The following LPP variants were observed in gnomAD, a reference collection of about 807,000 sequenced individuals.
LPP encodes the protein lipoma-preferred partner.
Under a neutral mutation model 60.4 loss-of-function variants are expected in LPP, and 38 were observed. The ratio of observed to expected loss-of-function variants is 0.63; its 90% confidence interval spans 0.49 to 0.83. The LOEUF (loss-of-function observed/expected upper bound fraction) is 0.83, where lower values mean the gene tolerates loss of function less well. Among genes scored for constraint, LPP ranks in the 40% least tolerant of loss-of-function variants. LPP has a pLI of 0.00. For synonymous variants in LPP, 328 were observed against 290.8 expected (o/e 1.13, Z -1.30); for missense variants, 902 against 783.6 (o/e 1.15, Z -1.80).
intron 6 of LPP, among the ~76,000 whole-genome samples, chr3:188,531,606 C>T (rs564919822): frequency 2.0e-4 from 30 of 152,042 alleles, no homozygotes; most frequent in African/African-American, 7.0e-4. Context: ...TATAAAAATC[C>T]CTGAAGTGCA....
intron 8 of LPP, among the ~76,000 whole-genome samples, chr3:188,751,870 C>G (rs901505585): frequency 6.6e-6 from 1 of 152,114 alleles, no homozygotes; most frequent in African/African-American, 2.4e-5. Context: ...CCGGGGTCTA[C>G]AAATTTTTGT....
At chr3:188,228,075 A>T (rs1718468173) in intron 2 of LPP, among the ~76,000 whole-genome samples, 2 of 152,194 alleles carry the variant, frequency 1.3e-5, no homozygotes, top group African/African-American at 2.4e-5. Flanking sequence ...GACCCTCTAG[A>T]GAGCCGGGCT....
intron 8 of LPP, among the ~76,000 whole-genome samples, chr3:188,756,301 C>T (rs575748907): frequency 2.0e-5 from 3 of 152,282 alleles, no homozygotes; most frequent in East Asian, 1.9e-4. Context: ...TGACAAAGTT[C>T]CCCATCGGCT....
intron 3 of LPP, among the ~76,000 whole-genome samples, chr3:188,368,729 G>C (rs993689205): frequency 5.7e-4 from 84 of 148,384 alleles, no homozygotes; most frequent in African/African-American, 1.6e-3. Context: ...CAGAGAGAGA[G>C]AGAGAGAGAG....
At chr3:188,426,011 T>C (rs1789227972) in intron 4 of LPP, among the ~76,000 whole-genome samples, 2 of 152,196 alleles carry the variant, frequency 1.3e-5, no homozygotes, top group Admixed American at 1.3e-4. Flanking sequence ...ATTTGTTTGC[T>C]CTTGCTTCTC....
At chr3:188,335,373 C>T (rs137968511) in intron 2 of LPP, among the ~76,000 whole-genome samples, 296 of 152,274 alleles carry the variant, frequency 1.9e-3, no homozygotes, top group Middle Eastern at 6.8e-3. Context: ...TTGTATCCCT[C>T]GGATAAATAC....
At chr3:188,713,817 G>A (rs1424046578) in intron 8 of LPP, among the ~76,000 whole-genome samples, 1 of 152,196 alleles carries the variant, frequency 6.6e-6, no homozygotes, top group African/African-American at 2.4e-5. Context: ...TCTTGGGTGG[G>A]TAGAGAGATT....
chr3:188,600,134 G>C (rs1840830473), intron 6 of LPP, among the ~76,000 whole-genome samples: 3 of 149,990 alleles, frequency 2.0e-5, no homozygotes, highest in African/African-American at 7.3e-5. Context: ...CATACACATG[G>C]ACATTGGAAT....
At chr3:188,433,438 G>C (rs868432097) in intron 4 of LPP, among the ~76,000 whole-genome samples, 11 of 152,174 alleles carry the variant, frequency 7.2e-5, no homozygotes, top group African/African-American at 2.6e-4. Flanking sequence ...GGTCATAAGA[G>C]AAAGGGAAGT....
At chr3:188,654,165 G>T (rs1294270523) in intron 7 of LPP, among the ~76,000 whole-genome samples, 1 of 152,160 alleles carries the variant, frequency 6.6e-6, no homozygotes, top group Non-Finnish European at 1.5e-5. Flanking sequence ...TACACAAAGG[G>T]AAATCCAATT....
chr3:188,296,962 A>G (rs561280951), intron 2 of LPP, among the ~76,000 whole-genome samples: 59 of 152,342 alleles, frequency 3.9e-4, no homozygotes, highest in African/African-American at 1.4e-3. Context: ...AAAAGAGAAG[A>G]AGCAGTGGAG....
Position 188,441,047 on chromosome 3 carries a change from C to T in LPP, c.193+34734C>T, listed in dbSNP as rs868652775. Among the ~76,000 whole-genome samples, 133 of 113,752 alleles carry T rather than the reference C, an allele frequency of 1.2e-3. 1 individual carries two copies. In the Middle Eastern group the frequency reaches 0.027, roughly 23 times the overall value. The allele number at this position is 113,752 out of a possible 152,430, so 74.6% of individuals were successfully genotyped here. The stretch of plus-strand genomic sequence containing the variant: ...TAATATGTGTGTGTGTGTGTGTGTG[C>T]GTGCCTGTATACATCAGATATATGG... On this transcript the variant is annotated intron_variant, in intron 4 of 11. Transcript: ENST00000617246.
At chr3:188,689,784 C>T (rs1861682398) in intron 7 of LPP, among the ~76,000 whole-genome samples, 1 of 152,180 alleles carries the variant, frequency 6.6e-6, no homozygotes, top group Non-Finnish European at 1.5e-5. Flanking sequence ...AGTGAAGTGA[C>T]TTGCCCAAAT....
intron 2 of LPP, among the ~76,000 whole-genome samples, chr3:188,241,113 C>T (rs558305994): frequency 1.3e-5 from 2 of 152,248 alleles, no homozygotes; most frequent in African/African-American, 4.8e-5. Context: ...GGTTAATGTT[C>T]CACGTAGTGG....
intron 5 of LPP, among the ~76,000 whole-genome samples, chr3:188,505,011 T>C (rs966396807): frequency 3.3e-5 from 5 of 152,196 alleles, no homozygotes; most frequent in African/African-American, 1.2e-4. Flanking sequence ...CAAGTACATG[T>C]GCACAGATGC....
chr3:188,823,020 G>A (rs138109984), intron 9 of LPP, among the ~76,000 whole-genome samples: 51 of 152,114 alleles, frequency 3.4e-4, no homozygotes, highest in Non-Finnish European at 5.7e-4. Flanking sequence ...TTCCTGTAGA[G>A]ATACTTGGAC....
In LPP at chr3:188,781,389, T is replaced by C. The variant is rs116493977; in HGVS notation, c.1410+21107T>C. Among the ~76,000 whole-genome samples, 520 of 152,202 alleles carry C rather than the reference T, an allele frequency of 3.4e-3. 1 individual carries two copies. The highest frequency in any genetic ancestry group is 0.012 in the African/African-American group (491 of 41,530). On this transcript the variant is annotated intron_variant, in intron 9 of 11. Transcript: ENST00000617246. ...TTATAGTGGTCTTTCCAACATGAAGTTTGTATTAATCCGTTTTCACACTGT... is the reference window on the plus strand; with the variant it reads ...TTATAGTGGTCTTTCCAACATGAAGCTTGTATTAATCCGTTTTCACACTGT...
chr3:188,247,088 A>G (rs1012343305), intron 2 of LPP: 2 of 621,546 alleles, frequency 3.2e-6, no homozygotes, highest in Non-Finnish European at 4.0e-6. Flanking sequence ...AGATCACTCT[A>G]ATTTCCTGGG....
intron 3 of LPP, among the ~76,000 whole-genome samples, chr3:188,362,582 T>C (rs953391819): frequency 6.6e-6 from 1 of 152,198 alleles, no homozygotes; most frequent in Admixed American, 6.5e-5. Context: ...ATAGCCTCTT[T>C]TTATTTCCCT....
Sources: allele counts gnomAD v4.1 joint callset (sites outside exome capture counted in the v4.1 genomes callset), GRCh38; gene constraint gnomAD v4.1.1; transcripts MANE v1.5; gene names NCBI Gene and HGNC (gene_info 2026-07-23, HGNC 2026-07-21).